Variants in TSC22D1 observed in about 807,000 individuals in gnomAD.
TSC22D1 encodes the protein TSC22 domain family protein 1.
Under a neutral mutation model 74.2 loss-of-function variants are expected in TSC22D1, and 9 were observed. The observed-to-expected ratio is 0.12, with a 90% CI of 0.07 to 0.21. The LOEUF (loss-of-function observed/expected upper bound fraction) is 0.21. Among genes scored for constraint, TSC22D1 ranks in the 10% least tolerant of loss-of-function variants. The pLI is 1.00. For missense variants in TSC22D1, 1,427 were observed against 1,304.7 expected, an observed-to-expected ratio of 1.09 and a Z score of -1.44; for synonymous variants, 586 against 492.5, an observed-to-expected ratio of 1.19 and a Z score of -2.51.
intron 1 of TSC22D1, among the ~76,000 whole-genome samples, chr13:44,501,175 A>T (rs1486432603): frequency 6.6e-6 from 1 of 152,188 alleles, no homozygotes; most frequent in Non-Finnish European, 1.5e-5. Flanking sequence ...GCAGTGAGGG[A>T]CAATTTAGAA....
chr13:44,454,871 G>T (rs1223924545), intron 1 of TSC22D1, among the ~76,000 whole-genome samples: 1 of 152,132 alleles, frequency 6.6e-6, no homozygotes, highest in Non-Finnish European at 1.5e-5. Context: ...ATGCTGTCAT[G>T]TTTTAGTAAT....
chr13:44,486,508 A>G (rs1878433935), intron 1 of TSC22D1, among the ~76,000 whole-genome samples: 1 of 152,206 alleles, frequency 6.6e-6, no homozygotes, highest in African/African-American at 2.4e-5. Flanking sequence ...CTAGAACTCT[A>G]AGGAAGTATC....
chr13:44,488,039 C>G (rs1878526722), intron 1 of TSC22D1, among the ~76,000 whole-genome samples: 1 of 146,536 alleles, frequency 6.8e-6, no homozygotes, highest in South Asian at 2.2e-4. Context: ...GCCTGGGCAA[C>G]AGATCAAGAC....
intron 1 of TSC22D1, among the ~76,000 whole-genome samples, chr13:44,556,370 C>A (rs1006112459): frequency 1.3e-5 from 2 of 151,664 alleles, no homozygotes; most frequent in African/African-American, 4.8e-5. Flanking sequence ...CATGGTGAAA[C>A]CCCGTCTCTT....
At chr13:44,447,829 TTTTC>T (rs1329144454) in intron 1 of TSC22D1, among the ~76,000 whole-genome samples, 17 of 94,814 alleles carry the variant, frequency 1.8e-4, no homozygotes, top group East Asian at 3.3e-4. Flanking sequence ...ACCCAATGCC[TTTTC>T]TTTTTTTTTT....
intron 1 of TSC22D1, among the ~76,000 whole-genome samples, chr13:44,494,375 CAAAAAAAAAAAAAAAAAAAA>C (rs57468850): frequency 3.8e-5 from 1 of 26,462 alleles, no homozygotes; most frequent in Non-Finnish European, 5.9e-5. Flanking sequence ...GACTCCGTAT[CAAAAAAAAAAAAAAAAAAAA>C]AAAAAAAAAA....
intron 1 of TSC22D1, among the ~76,000 whole-genome samples, chr13:44,507,700 A>C (rs1166879978): frequency 6.6e-6 from 1 of 152,234 alleles, no homozygotes; most frequent in East Asian, 1.9e-4. Context: ...AACCGCATTA[A>C]GAAATGAAGT....
Position 44,574,480 on chromosome 13 carries a change from G to A in TSC22D1, c.1595C>T (p.Ala532Val), listed in dbSNP as rs374278164. ...FGSTGPQSIPAVSIPQSISQS... is the reference protein window; with the variant it reads ...FGSTGPQSIPVVSIPQSISQS... ...AGAAATACTCTGTGGTATACTAACT[G>A]CTGGAATACTCTGTGGACCAGTGCT... Residue 532 changes from alanine (A) to valine (V), a missense_variant, in exon 1 of 3, where the codon GCA (alanine) becomes GTA (valine). Physicochemically the swap from Ala to Val is moderately conservative, Grantham distance 64. Coordinates refer to ENST00000458659, the MANE Select transcript of TSC22D1 (RefSeq NM_183422.4). 6.2e-7 allele frequency: 1 copy of A among 1,613,980 alleles called. No homozygotes were observed. Among genetic ancestry groups the A allele is most frequent in the Non-Finnish European group, 8.5e-7 (1 of 1,179,926 alleles).
chr13:44,465,041 G>C (rs940945277), intron 1 of TSC22D1, among the ~76,000 whole-genome samples: 3 of 152,130 alleles, frequency 2.0e-5, no homozygotes, highest in Non-Finnish European at 4.4e-5. Context: ...AGTTTTGAGT[G>C]GTTGACCCCC....
At chr13:44,527,881 TCAAAA>T (rs1340734145) in intron 1 of TSC22D1, among the ~76,000 whole-genome samples, 1 of 151,896 alleles carries the variant, frequency 6.6e-6, no homozygotes, top group Admixed American at 6.6e-5. Flanking sequence ...CTAACACTAA[TCAAAA>T]CAAAGTGGGA....
chr13:44,546,748 A>ATGTG (rs1177933369), intron 1 of TSC22D1, among the ~76,000 whole-genome samples: 194 of 41,738 alleles, frequency 4.6e-3, no homozygotes, highest in African/African-American at 0.017. Context: ...TGTGTGAAAT[A>ATGTG]CGTGTGTGTG....
At chr13:44,535,956 T>G (rs2138077282) in intron 1 of TSC22D1, among the ~76,000 whole-genome samples, 1 of 152,096 alleles carries the variant, frequency 6.6e-6, no homozygotes, top group African/African-American at 2.4e-5. Context: ...TAGGAAAAGC[T>G]TATAGATTTT....
intron 1 of TSC22D1, among the ~76,000 whole-genome samples, chr13:44,491,471 A>G (rs1288612930): frequency 6.7e-6 from 1 of 148,852 alleles, no homozygotes; most frequent in African/African-American, 2.5e-5. Flanking sequence ...GGAGAACGGC[A>G]TGAACCCGGC....
At chr13:44,488,088 C>T (rs1256956487) in intron 1 of TSC22D1, among the ~76,000 whole-genome samples, 1 of 152,104 alleles carries the variant, frequency 6.6e-6, no homozygotes, top group Non-Finnish European at 1.5e-5. Context: ...TCTTTAATAA[C>T]ATAAAAGATA....
chr13:44,535,334 T>C (rs964700746), intron 1 of TSC22D1, among the ~76,000 whole-genome samples: 1 of 152,132 alleles, frequency 6.6e-6, no homozygotes, highest in African/African-American at 2.4e-5. Flanking sequence ...TTACCTTAGA[T>C]GTACATATTA....
chr13:44,526,267 G>C (rs534932420), intron 1 of TSC22D1, among the ~76,000 whole-genome samples: 1 of 152,102 alleles, frequency 6.6e-6, no homozygotes, highest in South Asian at 2.1e-4. Context: ...AACATGCTAA[G>C]GGCTCTAGTG....
intron 1 of TSC22D1, among the ~76,000 whole-genome samples, chr13:44,471,186 T>C (rs1403995280): frequency 1.3e-5 from 2 of 152,208 alleles, no homozygotes; most frequent in East Asian, 3.8e-4. Flanking sequence ...AAGTACTTCA[T>C]ACTTTACCAT....
intron 1 of TSC22D1, among the ~76,000 whole-genome samples, chr13:44,504,271 G>A (rs1879342614): frequency 8.3e-6 from 1 of 120,638 alleles, no homozygotes; most frequent in African/African-American, 3.2e-5. Context: ...CTGTAGTCTA[G>A]TTTTAGAGCA....
chr13:44,490,015 C>G (rs1878626886), intron 1 of TSC22D1, among the ~76,000 whole-genome samples: 1 of 152,200 alleles, frequency 6.6e-6, no homozygotes, highest in Admixed American at 6.5e-5. Context: ...AACCTACCAG[C>G]AGTTCCATTC....
Sources: allele counts gnomAD v4.1 joint callset (sites outside exome capture counted in the v4.1 genomes callset), GRCh38; gene constraint gnomAD v4.1.1; transcripts MANE v1.5; gene names NCBI Gene and HGNC (gene_info 2026-07-23, HGNC 2026-07-21).